Variants in GRID1 observed in about 807,000 individuals in gnomAD.
GRID1 encodes glutamate ionotropic receptor delta type subunit 1.
A neutral mutation model predicts 98.0 loss-of-function variants in GRID1; 28 were observed. The ratio of observed to expected loss-of-function variants is 0.29; its 90% CI spans 0.21 to 0.39. GRID1 has a LOEUF of 0.39. Ranked by LOEUF, GRID1 falls within the 10% of genes least tolerant of loss-of-function variation. The pLI is 1.00. For missense variants in GRID1, 1,111 were observed against 1,340.5 expected, an observed-to-expected ratio of 0.83 and a Z score of 2.67; for synonymous variants, 553 against 538.5, an observed-to-expected ratio of 1.03 and a Z score of -0.37.
intron 12 of GRID1, among the ~76,000 whole-genome samples, chr10:85,654,907 C>T (rs1203393340): frequency 2.0e-5 from 3 of 152,184 alleles, no homozygotes; most frequent in Non-Finnish European, 4.4e-5. Context: ...TTGCCAAACT[C>T]AGCCTAGATC....
intron 8 of GRID1, among the ~76,000 whole-genome samples, chr10:85,763,135 A>G (rs1842162117): frequency 6.6e-6 from 1 of 152,160 alleles, no homozygotes; most frequent in Non-Finnish European, 1.5e-5. Flanking sequence ...GGAGGACTAG[A>G]GTCTTGGTCT....
chr10:85,770,348 A>G (rs1218515097), intron 8 of GRID1, among the ~76,000 whole-genome samples: 1 of 152,188 alleles, frequency 6.6e-6, no homozygotes, highest in African/African-American at 2.4e-5. Flanking sequence ...ATCAAAGACG[A>G]AAAGTAGATA....
intron 4 of GRID1, among the ~76,000 whole-genome samples, chr10:86,121,259 CT>C (rs1352805512): frequency 6.6e-6 from 1 of 150,960 alleles, no homozygotes. Context: ...GGCTCTGTCC[CT>C]AAAGTTGCAA....
chr10:85,644,992 A>G (rs1324102509), intron 13 of GRID1, among the ~76,000 whole-genome samples: 4 of 152,300 alleles, frequency 2.6e-5, no homozygotes, highest in African/African-American at 7.2e-5. Flanking sequence ...CCAGTTTTCT[A>G]TTAAGTTGTT....
chr10:86,358,032 C>T (rs999326909), intron 2 of GRID1, among the ~76,000 whole-genome samples: 1 of 152,120 alleles, frequency 6.6e-6, no homozygotes, highest in African/African-American at 2.4e-5. Flanking sequence ...TCTGACTATT[C>T]GAACAGCAGT....
At chr10:85,945,209 G>A (rs7089160) in intron 4 of GRID1, among the ~76,000 whole-genome samples, 13 of 151,956 alleles carry the variant, frequency 8.6e-5, no homozygotes, top group Admixed American at 7.2e-4. Flanking sequence ...TATATAATAC[G>A]AAAAGATCCA....
chr10:86,242,880 G>A (rs570015932), intron 2 of GRID1, among the ~76,000 whole-genome samples: 102 of 152,328 alleles, frequency 6.7e-4, no homozygotes, highest in Middle Eastern at 6.8e-3. Context: ...TGGTAGGACA[G>A]GGATCTGGTA....
At chr10:85,714,979 G>A (rs894116170) in intron 12 of GRID1, among the ~76,000 whole-genome samples, 5 of 152,032 alleles carry the variant, frequency 3.3e-5, no homozygotes, top group Non-Finnish European at 5.9e-5. Context: ...CACACTACCT[G>A]ATTTCGAAAT....
chr10:85,929,933 C>T (rs533019857), intron 4 of GRID1, among the ~76,000 whole-genome samples: 1 of 152,324 alleles, frequency 6.6e-6, no homozygotes, highest in East Asian at 1.9e-4. Flanking sequence ...TTAATCCTCT[C>T]ATCCTTTCAT....
chr10:86,317,915 AT>A (rs1249489212), intron 2 of GRID1, among the ~76,000 whole-genome samples: 6 of 151,572 alleles, frequency 4.0e-5, no homozygotes, highest in Non-Finnish European at 2.9e-5. Flanking sequence ...TAATTTTTTA[AT>A]TTTTTTTGTA....
chr10:86,362,431 C>A (rs904922840), intron 2 of GRID1, among the ~76,000 whole-genome samples: 1 of 152,152 alleles, frequency 6.6e-6, no homozygotes, highest in African/African-American at 2.4e-5. Flanking sequence ...GGCAGGAATT[C>A]CTCTTCCCTG....
intron 8 of GRID1, among the ~76,000 whole-genome samples, chr10:85,810,800 A>G (rs1189256214): frequency 6.6e-6 from 1 of 152,120 alleles, no homozygotes; most frequent in Non-Finnish European, 1.5e-5. Context: ...CTGACCACAG[A>G]AATAGCTGAG....
chr10:85,746,195 C>T (rs1417341143), intron 8 of GRID1, among the ~76,000 whole-genome samples: 1 of 152,162 alleles, frequency 6.6e-6, no homozygotes, highest in Non-Finnish European at 1.5e-5. Flanking sequence ...ACTCAAAGAG[C>T]TTCATCTGTA....
At position 86,198,203 on chromosome 10, in the gene GRID1, G is replaced by C. The variant is rs1253218205; in HGVS notation, c.520+8161C>G. On this transcript the variant is annotated intron_variant, in intron 3 of 15. Transcript: ENST00000327946. Reference sequence around the variant, plus strand: ...ATTTTCTATGAAAACCAGTTAAGCTGTCCAGCTTAGAAGGCATGATGGCTC... The same window carrying C: ...ATTTTCTATGAAAACCAGTTAAGCTCTCCAGCTTAGAAGGCATGATGGCTC... 7.9e-5 allele frequency among the ~76,000 whole-genome samples: 12 copies of C among 152,140 alleles called. 1 individual carries two copies. The highest frequency in any genetic ancestry group is 7.9e-4 in the Admixed American group (12 of 15,268).
chr10:86,274,918 A>G (rs1051549170), intron 2 of GRID1, among the ~76,000 whole-genome samples: 1 of 151,954 alleles, frequency 6.6e-6, no homozygotes, highest in Non-Finnish European at 1.5e-5. Context: ...TCTCCTGCCT[A>G]ATTGCCCTGG....
intron 8 of GRID1, among the ~76,000 whole-genome samples, chr10:85,844,288 G>GT (rs1842986353): frequency 6.6e-6 from 1 of 151,990 alleles, no homozygotes; most frequent in African/African-American, 2.4e-5. Context: ...GGGCAGGGAG[G>GT]TATGAGTTAG....
At chr10:85,845,462 G>A (rs939298030) in intron 8 of GRID1, among the ~76,000 whole-genome samples, 16 of 152,114 alleles carry the variant, frequency 1.1e-4, no homozygotes, top group African/African-American at 3.9e-4. Flanking sequence ...ACTCAATATT[G>A]GTAAGACATT....
rs1281065831 is a variant in GRID1 at position 86,192,706 on chromosome 10, A to G, written c.520+13658T>C. Reference sequence around the variant, plus strand: ...TGTGTTGTATATATATTTTTCCACAATAAAACAAAAAACTACAAAAGTAAA... The same window carrying G: ...TGTGTTGTATATATATTTTTCCACAGTAAAACAAAAAACTACAAAAGTAAA... On this transcript the variant is annotated intron_variant, in intron 3 of 15. Transcript: ENST00000327946. This position sits in a 1 kb window ranked among gnomAD's most constrained non-coding sequence, Gnocchi z 4.8. Among the ~76,000 whole-genome samples, 1 of 152,116 alleles carries G rather than the reference A, an allele frequency of 6.6e-6. No individual in the cohort carries two copies. The highest frequency in any genetic ancestry group is 1.9e-4 in the East Asian group (1 of 5,194).
At chr10:85,755,274 G>C (rs1024030035) in intron 8 of GRID1, among the ~76,000 whole-genome samples, 19 of 152,230 alleles carry the variant, frequency 1.2e-4, no homozygotes, top group African/African-American at 4.6e-4. Flanking sequence ...ATTTCTAACA[G>C]TTCAATGAGC....
Sources: gnomAD v4.1 joint callset for allele counts (sites outside exome capture counted in the v4.1 genomes callset) on GRCh38, gnomAD v4.1.1 for gene constraint, Gnocchi (gnomAD v3.1) non-coding constraint, MANE v1.5 for transcripts, NCBI Gene and HGNC (gene_info 2026-07-23, HGNC 2026-07-21) for gene names.